PAQR5: variants seen among roughly 807,000 people sequenced by gnomAD.
PAQR5 encodes membrane progestin receptor gamma.
A neutral mutation model predicts 34.5 loss-of-function variants in PAQR5; 20 were observed. That is an observed-to-expected ratio of 0.58 (90% CI 0.41 to 0.84). The LOEUF is 0.84. Among genes scored for constraint, PAQR5 ranks in the 40% least tolerant of loss-of-function variants. The probability of loss-of-function intolerance (pLI) is 0.00; values close to 1 mark genes in which losing one functional copy is unlikely to be tolerated. For synonymous variants in PAQR5, 131 were observed against 155.6 expected (o/e 0.84, Z 1.18); for missense variants, 378 against 412.7 (o/e 0.92, Z 0.73).
intron 3 of PAQR5, among the ~76,000 whole-genome samples, chr15:69,378,264 T>TAAAAAAAAAAAAAA (rs71149912): frequency 8.4e-5 from 5 of 59,692 alleles, no homozygotes; most frequent in African/African-American, 4.2e-4. Context: ...GACTCCATCT[T>TAAAAAAAAAAAAAA]AAAAAAAAAA....
chr15:69,339,170 A>ACCCC (rs55878437), intron 2 of PAQR5, among the ~76,000 whole-genome samples: 2 of 137,040 alleles, frequency 1.5e-5, no homozygotes, highest in Non-Finnish European at 3.2e-5. Flanking sequence ...CACTGGCTAC[A>ACCCC]CCCCCCACCC....
intron 1 of PAQR5, among the ~76,000 whole-genome samples, chr15:69,319,187 A>ATATATATACATATATATATT (rs2054034770): frequency 1.6e-4 from 1 of 6,106 alleles, no homozygotes; most frequent in Admixed American, 5.1e-3. Flanking sequence ...ATATATATAT[A>ATATATATACATATATATATT]TATATATATA....
At chr15:69,386,479 A>G (rs1463792177) in intron 5 of PAQR5, among the ~76,000 whole-genome samples, 2 of 151,980 alleles carry the variant, frequency 1.3e-5, no homozygotes, top group Non-Finnish European at 2.9e-5. Flanking sequence ...GCCCCTGTCC[A>G]GGGTCCCGGC....
chr15:69,320,227 G>A (rs966005755), intron 1 of PAQR5, among the ~76,000 whole-genome samples: 1 of 152,240 alleles, frequency 6.6e-6, no homozygotes, highest in African/African-American at 2.4e-5. Flanking sequence ...TCCCAGGCTG[G>A]CGTTTGGCAC....
Position 69,360,005 on chromosome 15 carries a change from C to T in PAQR5, c.-76C>T, listed in dbSNP as rs1658115901. 2 of 1,153,326 alleles carry T rather than the reference C, an allele frequency of 1.7e-6. No homozygotes were observed. The highest frequency in any genetic ancestry group is 2.5e-5 in the South Asian group (2 of 80,198). 71.4% of individuals were successfully genotyped at this position (1,153,326 alleles called of 1,614,324 possible). A position where few individuals can be genotyped will look rare whatever the true frequency, so the allele number is the denominator to read the frequency against. ...ACCAGCTAGGCAGAGACGCCCCAGG[C>T]CATGTTAGAGCTTTGAGTGAGGCCT... is the stretch of plus-strand genomic sequence containing the variant. On this transcript the variant is annotated 5_prime_UTR_variant, in exon 3 of 9. Coordinates refer to ENST00000395407, the MANE Select transcript of PAQR5 (RefSeq NM_017705.4).
At chr15:69,386,266 C>G (rs964166920) in intron 5 of PAQR5, among the ~76,000 whole-genome samples, 1 of 151,386 alleles carries the variant, frequency 6.6e-6, no homozygotes, top group African/African-American at 2.4e-5. Flanking sequence ...ACATCACACA[C>G]ACCACATACA....
chr15:69,309,138 G>A (rs1245980924), intron 1 of PAQR5, among the ~76,000 whole-genome samples: 2 of 152,184 alleles, frequency 1.3e-5, no homozygotes, highest in Non-Finnish European at 2.9e-5. Context: ...GATGAGAGAA[G>A]CCATGGGGTG....
chr15:69,329,944 CTAT>C (rs1430350627), intron 1 of PAQR5, among the ~76,000 whole-genome samples: 4 of 152,126 alleles, frequency 2.6e-5, no homozygotes, highest in Non-Finnish European at 5.9e-5. Flanking sequence ...TTGTTCACAT[CTAT>C]TATTATTTCA....
intron 1 of PAQR5, among the ~76,000 whole-genome samples, chr15:69,318,681 C>T (rs2054009831): frequency 1.3e-5 from 2 of 151,794 alleles, no homozygotes; most frequent in Admixed American, 1.3e-4. Flanking sequence ...AGTTCAAGAC[C>T]CCAGTGGATG....
intron 3 of PAQR5, among the ~76,000 whole-genome samples, chr15:69,378,157 G>T (rs1308774628): frequency 6.6e-6 from 1 of 150,784 alleles, no homozygotes; most frequent in Non-Finnish European, 1.5e-5. Flanking sequence ...CCCGCTACCC[G>T]AGGGGGCTGA....
chr15:69,310,908 G>C (rs28712370), intron 1 of PAQR5, among the ~76,000 whole-genome samples: 1 of 151,182 alleles, frequency 6.6e-6, no homozygotes, highest in African/African-American at 2.4e-5. Flanking sequence ...GTGTGGTGGC[G>C]GGCGCCTGTA....
At chr15:69,353,484 G>A (rs1463974037) in intron 2 of PAQR5, among the ~76,000 whole-genome samples, 1 of 152,192 alleles carries the variant, frequency 6.6e-6, no homozygotes, top group East Asian at 1.9e-4. Context: ...GAATTCACTG[G>A]TCTTACCATG....
At chr15:69,384,936 C>A in intron 5 of PAQR5, 54 bp downstream of exon 5, 1 of 1,383,060 alleles carries the variant, frequency 7.2e-7, no homozygotes. Flanking sequence ...CTGTTTGCCC[C>A]TTCTCCTGTG....
chr15:69,306,214 C>T (rs2053712829), intron 1 of PAQR5, among the ~76,000 whole-genome samples: 1 of 151,874 alleles, frequency 6.6e-6, no homozygotes, highest in African/African-American at 2.4e-5. Flanking sequence ...GCAGCTGGGG[C>T]AACACATGTG....
intron 2 of PAQR5, among the ~76,000 whole-genome samples, chr15:69,339,704 C>T (rs1409366548): frequency 6.6e-6 from 1 of 152,192 alleles, no homozygotes; most frequent in Non-Finnish European, 1.5e-5. Context: ...AACTCCTGAC[C>T]TCAAGTGATC....
At chr15:69,351,445 G>A in intron 2 of PAQR5, among the ~76,000 whole-genome samples, 1 of 152,218 alleles carries the variant, frequency 6.6e-6, no homozygotes, top group East Asian at 1.9e-4. Context: ...ACATCTTCTG[G>A]TACCTGGTAT....
chr15:69,338,282 T>C (rs1236030185), intron 2 of PAQR5, among the ~76,000 whole-genome samples: 1 of 152,220 alleles, frequency 6.6e-6, no homozygotes, highest in Admixed American at 6.5e-5. Context: ...TGTTGTTAGC[T>C]GTTCTTGAGG....
At chr15:69,313,521 C>CAAAT (rs963617204) in intron 1 of PAQR5, among the ~76,000 whole-genome samples, 30 of 151,892 alleles carry the variant, frequency 2.0e-4, no homozygotes, top group Middle Eastern at 3.4e-3. Context: ...CAACAACAAC[C>CAAAT]AAATAAATAA....
chr15:69,315,477 C>G (rs1053651181), intron 1 of PAQR5, among the ~76,000 whole-genome samples: 3 of 152,290 alleles, frequency 2.0e-5, no homozygotes, highest in Non-Finnish European at 4.4e-5. Flanking sequence ...GGGGAAATCT[C>G]CAGTCTCAAG....
Sources: allele counts gnomAD v4.1 joint callset (sites outside exome capture counted in the v4.1 genomes callset), GRCh38; gene constraint gnomAD v4.1.1; transcripts MANE v1.5; gene names NCBI Gene and HGNC (gene_info 2026-07-23, HGNC 2026-07-21).